PAH: variants seen among roughly 807,000 people sequenced by gnomAD.
PAH encodes phenylalanine hydroxylase.
A neutral mutation model predicts 62.0 loss-of-function variants in PAH; 64 were observed. The observed-to-expected ratio is 1.03, with a 90% CI of 0.84 to 1.27. The LOEUF (loss-of-function observed/expected upper bound fraction) is 1.27. Ranked by LOEUF, PAH falls within the 50% of genes most tolerant of loss-of-function variation. The pLI is 0.00. For missense variants in PAH, 579 were observed against 542.8 expected (o/e 1.07, Z -0.66); for synonymous variants, 195 against 196.2 (o/e 0.99, Z 0.05).
At chr12:102,853,011 A>G (rs2136646634) in intron 6 of PAH, 61 bp from the exon 7 acceptor site, 1 of 1,590,210 alleles carries the variant, frequency 6.3e-7, no homozygotes. Flanking sequence ...AGGCACTAGG[A>G]GACCTTTAGG....
intron 1 of PAH, among the ~76,000 whole-genome samples, chr12:102,932,232 T>A (rs974732801): frequency 5.3e-5 from 8 of 152,158 alleles, no homozygotes; most frequent in African/African-American, 1.9e-4. Context: ...GGACCCACCA[T>A]TACAGGGCCT....
At chr12:102,938,252 A>G (rs1441948098) in intron 1 of PAH, among the ~76,000 whole-genome samples, 1 of 152,134 alleles carries the variant, frequency 6.6e-6, no homozygotes. Flanking sequence ...TGACCACACT[A>G]TTCCCATAGA....
intron 2 of PAH, 42 bp from the exon 3 acceptor site, chr12:102,894,960 A>G: frequency 6.8e-7 from 1 of 1,475,206 alleles, no homozygotes; most frequent in South Asian, 1.1e-5. Context: ...AGTCACTGGA[A>G]CTAACGCAGG....
At chr12:102,852,275 T>G (rs547305892) in intron 7 of PAH, 2 of 195,916 alleles carry the variant, frequency 1.0e-5, no homozygotes, top group South Asian at 2.1e-4. Context: ...GGAACAGGTC[T>G]TTTTGGATTT....
rs1480491660 is a variant in PAH at position 102,836,931 on chromosome 12, C to T, written c.*2244G>A. On this transcript the variant is annotated 3_prime_UTR_variant, in exon 13 of 13. Coordinates refer to ENST00000553106, the MANE Select transcript of PAH (RefSeq NM_000277.3). ...CATTTTATTGGTGGATTTTTTGAAA[C>T]ACAACTAAATTATATAACTTAGAAA... 1 of 152,160 alleles carries T rather than the reference C, an allele frequency of 6.6e-6. No individual in the cohort carries two copies. The highest frequency in any genetic ancestry group is 2.4e-5 in the African/African-American group (1 of 41,440). 9.4% of individuals were successfully genotyped at this position (152,160 alleles called of 1,614,324 possible).
chr12:102,942,004 A>ACAAG (rs1879309285), intron 1 of PAH, among the ~76,000 whole-genome samples: 1 of 151,976 alleles, frequency 6.6e-6, no homozygotes, highest in Non-Finnish European at 1.5e-5. Context: ...AAGCTTGAGA[A>ACAAG]CTGGAACAAG....
chr12:102,887,008 A>T (rs1395976293), intron 3 of PAH, among the ~76,000 whole-genome samples: 1 of 152,216 alleles, frequency 6.6e-6, no homozygotes, highest in East Asian at 1.9e-4. Flanking sequence ...CCAACAGTCA[A>T]GGTTTTTAAA....
intron 9 of PAH, 95 bp downstream of exon 9, chr12:102,846,800 A>C (rs1391734283): frequency 1.0e-6 from 1 of 998,088 alleles, no homozygotes; most frequent in East Asian, 2.4e-5. Context: ...TTTTCCCCAG[A>C]TAACCTGGCT....
chr12:102,855,067 C>T (rs1204063431), intron 6 of PAH, 69 bp downstream of exon 6: 2 of 1,272,350 alleles, frequency 1.6e-6, no homozygotes, highest in Non-Finnish European at 2.3e-6. Context: ...CTTGTCTTCC[C>T]CTTCCCTCTC....
intron 11 of PAH, 35 bp from the exon 12 acceptor site, chr12:102,840,550 C>G (rs763807477): frequency 5.7e-6 from 8 of 1,392,330 alleles, no homozygotes; most frequent in Admixed American, 1.7e-5. Context: ...GTGAAGGGCA[C>G]CATTTGGAGA....
chr12:102,945,134 C>G (rs1302536974), intron 1 of PAH: 1 of 152,300 alleles, frequency 6.6e-6, no homozygotes, highest in Admixed American at 6.5e-5. Flanking sequence ...GTCTCTCACT[C>G]TGTGCTGAGC....
intron 3 of PAH, among the ~76,000 whole-genome samples, chr12:102,889,084 G>A (rs1403245549): frequency 2.0e-5 from 3 of 152,018 alleles, no homozygotes; most frequent in Non-Finnish European, 2.9e-5. Flanking sequence ...AGCCCTAAGC[G>A]GCTTCTCTCT....
At chr12:102,949,834 T>C (rs1291789186) in intron 1 of PAH, among the ~76,000 whole-genome samples, 1 of 152,166 alleles carries the variant, frequency 6.6e-6, no homozygotes, top group Non-Finnish European at 1.5e-5. Flanking sequence ...TTCTCCATGG[T>C]TGCCCCCACC....
Position 102,877,554 on chromosome 12 carries a change from A to AAAC in PAH, c.353-7_353-5dup, listed in dbSNP as rs1452763334. 4.3e-6 allele frequency: 7 copies of AAAC among 1,611,928 alleles called. No individual in the cohort carries two copies. The Admixed American group carries it at 5.0e-5, about 12-fold the overall frequency. On this transcript the variant is annotated splice_region_variant and splice_polypyrimidine_tract_variant and intron_variant, in intron 3 of 12. Coordinates refer to ENST00000553106, the MANE Select transcript of PAH (RefSeq NM_000277.3). ...ATGGTTCTTGGGAACCAGGGCACTG[A>AAAC]AACACAGAGAAGGCAACGTCCTGAG...
Position 102,838,353 on chromosome 12 carries a change from C to T in PAH, c.*822G>A, listed in dbSNP as rs1874449686. ...AACTACTAATGTTTTATTACTAATA[C>T]AAATAAAAATTTCACATTTATACAG... On this transcript the variant is annotated 3_prime_UTR_variant, in exon 13 of 13. Coordinates refer to ENST00000553106, the MANE Select transcript of PAH (RefSeq NM_000277.3). 6.6e-6 allele frequency: 1 copy of T among 152,124 alleles called. No homozygotes were observed. Among genetic ancestry groups the T allele is most frequent in the African/African-American group, 2.4e-5 (1 of 41,436 alleles). The allele number at this position is 152,124 out of a possible 1,614,324, so 9.4% of individuals were successfully genotyped here.
chr12:102,953,808 C>T (rs761183098), upstream of PAH: 1 of 152,204 alleles, frequency 6.6e-6, no homozygotes, highest in African/African-American at 2.4e-5. Flanking sequence ...CACTCCCCCA[C>T]CCTCATGACA....
intron 1 of PAH, among the ~76,000 whole-genome samples, chr12:102,938,792 T>C (rs1459185205): frequency 6.6e-6 from 1 of 152,140 alleles, no homozygotes; most frequent in Non-Finnish European, 1.5e-5. Context: ...GTAGATGCCA[T>C]ACAGAAAAGG....
intron 2 of PAH, among the ~76,000 whole-genome samples, chr12:102,905,557 T>C (rs73391555): frequency 0.033 from 4,954 of 152,262 alleles, 266 homozygotes; most frequent in African/African-American, 0.11. Context: ...CCGGAGGTTT[T>C]AGCATAATAG....
At position 102,855,201 on chromosome 12, in the gene PAH, T is replaced by C; in HGVS notation, c.641A>G (p.Glu214Gly). The C allele has an allele frequency of 1.2e-6, 2 of 1,614,216 alleles. No homozygotes were observed. Among genetic ancestry groups the C allele is most frequent in the Non-Finnish European group, 1.7e-6 (2 of 1,180,030 alleles). ...ATCTTCATGGAAGCCACAGTACTTTTCAAGAAGTGGAAAAATGTGATTGTA... is the reference window on the plus strand; with the variant it reads ...ATCTTCATGGAAGCCACAGTACTTTCCAAGAAGTGGAAAAATGTGATTGTA... ...YEYNHIFPLLEKYCGFHEDNI... is the reference protein window; with the variant it reads ...YEYNHIFPLLGKYCGFHEDNI... Residue 214 changes from glutamate (E) to glycine (G), a missense_variant, in exon 6 of 13, where the codon GAA becomes GGA. By Grantham distance (98) the Glu-to-Gly change is moderately conservative. Coordinates refer to ENST00000553106, the MANE Select transcript of PAH (RefSeq NM_000277.3).
Sources: gnomAD v4.1 joint callset for allele counts (sites outside exome capture counted in the v4.1 genomes callset) on GRCh38, gnomAD v4.1.1 for gene constraint, MANE v1.5 for transcripts, NCBI Gene and HGNC (gene_info 2026-07-23, HGNC 2026-07-21) for gene names.